Variants in RPA2 observed in about 807,000 individuals in gnomAD.
RPA2 encodes the protein replication protein A2, also known as replication protein A 32 kDa subunit.
In RPA2, 22 loss-of-function variants were observed where a neutral mutation model predicts 33.4. The observed-to-expected ratio is 0.66, with a 90% confidence interval of 0.47 to 0.94. The LOEUF (loss-of-function observed/expected upper bound fraction) is 0.94. Among genes scored for constraint, RPA2 ranks in the 40% least tolerant of loss-of-function variants. The probability of loss-of-function intolerance (pLI) is 0.00; values close to 1 mark genes in which losing one functional copy is unlikely to be tolerated. For missense variants in RPA2, 279 were observed against 329.9 expected, an observed-to-expected ratio of 0.85 and a Z score of 1.19; for synonymous variants, 109 against 114.9, an observed-to-expected ratio of 0.95 and a Z score of 0.33.
At chr1:27,912,371 C>A (rs1388223305) in intron 2 of RPA2, among the ~76,000 whole-genome samples, 2 of 151,000 alleles carry the variant, frequency 1.3e-5, no homozygotes, top group Non-Finnish European at 3.0e-5. Flanking sequence ...TGGCCAAATG[C>A]CACCTCTAAA....
At chr1:27,900,032 C>T (rs561432276) in intron 4 of RPA2, among the ~76,000 whole-genome samples, 1 of 151,916 alleles carries the variant, frequency 6.6e-6, no homozygotes, top group East Asian at 1.9e-4. Context: ...TAGTCTTGAA[C>T]TCCTGACTTC....
At chr1:27,906,266 C>G (rs1449483074) in intron 4 of RPA2, among the ~76,000 whole-genome samples, 2 of 151,606 alleles carry the variant, frequency 1.3e-5, no homozygotes, top group Non-Finnish European at 2.9e-5. Flanking sequence ...ACTTGGGAGG[C>G]TGAGGCAGGA....
At chr1:27,899,750 A>G (rs910207422) in intron 4 of RPA2, among the ~76,000 whole-genome samples, 3 of 151,774 alleles carry the variant, frequency 2.0e-5, no homozygotes, top group East Asian at 2.0e-4. Flanking sequence ...GTGGGATCTC[A>G]GCTCACTGCA....
intron 8 of RPA2, 66 bp downstream of exon 8, chr1:27,893,946 G>C: frequency 7.3e-7 from 1 of 1,378,776 alleles, no homozygotes; most frequent in Non-Finnish European, 1.0e-6. Context: ...CTCACTATCA[G>C]GAAACCCTTG....
chr1:27,906,856 A>AAT, intron 4 of RPA2, 72 bp downstream of exon 4: 1 of 1,018,728 alleles, frequency 9.8e-7, no homozygotes, highest in South Asian at 1.6e-5. Flanking sequence ...AAAAACTTTA[A>AAT]AAAGACTAAA....
chr1:27,894,593 AC>A (rs1327396025), intron 6 of RPA2, among the ~76,000 whole-genome samples, 196 bp from the exon 7 acceptor site: 1 of 152,250 alleles, frequency 6.6e-6, no homozygotes, highest in Non-Finnish European at 1.5e-5. Flanking sequence ...TCCCCGAAGC[AC>A]ATAAATATCA....
intron 4 of RPA2, among the ~76,000 whole-genome samples, chr1:27,903,501 C>G (rs1469775532): frequency 6.6e-6 from 1 of 151,620 alleles, no homozygotes; most frequent in African/African-American, 2.4e-5. Context: ...GCAGGATCAC[C>G]TGAGGTCAAA....
intron 1 of RPA2, 28 bp downstream of exon 1, chr1:27,914,403 TTCC>T: frequency 1.2e-6 from 2 of 1,612,798 alleles, no homozygotes; most frequent in Middle Eastern, 1.7e-4. Flanking sequence ...TGCGATTCTC[TTCC>T]TCCTCCACCC....
In RPA2 at chr1:27,897,080, C is replaced by A. The variant is rs1381582098; in HGVS notation, c.450G>T (p.Glu150Asp). Residue 150 changes from glutamate to aspartate, a missense_variant, in exon 6 of 9, where the codon GAG (glutamate) becomes GAT (aspartate). Glu to Asp is a conservative substitution (Grantham distance 45). This residue lies in a region of RPA2 where 274 missense variants were observed against 310.3 expected (regional missense o/e 0.88). Transcript: ENST00000373912. Reference sequence around the variant, plus strand: ...TATGTGTGGTGAACTCATTCATATCCTCCAGGGGCATGATCTTAAAGGCTA... The same window carrying A: ...TATGTGTGGTGAACTCATTCATATCATCCAGGGGCATGATCTTAAAGGCTA... ...SLVAFKIMPLEDMNEFTTHIL... is the reference protein window; with the variant it reads ...SLVAFKIMPLDDMNEFTTHIL... The A allele has an allele frequency of 3.7e-6, 6 of 1,613,970 alleles. No individual in the cohort carries two copies. The highest frequency in any genetic ancestry group is 1.7e-4 in the Middle Eastern group (1 of 6,040).
At position 27,892,119 on chromosome 1, in the gene RPA2, C is replaced by G. The variant is rs2089831225; in HGVS notation, c.*44G>C. ...GAGCTGGAGACAACAGATTGTGAAA[C>G]TAGGTCCAGCTGTAAAATATCTCAG... On this transcript the variant is annotated 3_prime_UTR_variant, in exon 9 of 9. Transcript: ENST00000373912. The G allele has an allele frequency of 6.6e-7, 1 of 1,515,890 alleles. No individual in the cohort carries two copies. The highest frequency in any genetic ancestry group is 2.3e-5 in the East Asian group (1 of 44,168). The allele number at this position is 1,515,890 out of a possible 1,614,324, so 93.9% of individuals were successfully genotyped here. A position where few individuals can be genotyped will look rare whatever the true frequency, so the allele number is the denominator to read the frequency against.
chr1:27,914,400 C>G (rs754097085), intron 1 of RPA2, 34 bp downstream of exon 1: 2 of 1,612,950 alleles, frequency 1.2e-6, no homozygotes, highest in Non-Finnish European at 1.7e-6. Context: ...TCCTGCGATT[C>G]TCTTCCTCCT....
At chr1:27,892,694 C>T (rs2089839798) in intron 8 of RPA2, among the ~76,000 whole-genome samples, 1 of 152,198 alleles carries the variant, frequency 6.6e-6, no homozygotes, top group Non-Finnish European at 1.5e-5. Flanking sequence ...ACTCTGAAAC[C>T]TTCAAACCCT....
chr1:27,912,689 C>G (rs2090114232), intron 2 of RPA2, among the ~76,000 whole-genome samples: 1 of 152,194 alleles, frequency 6.6e-6, no homozygotes. Context: ...TGAGAAAAAC[C>G]AAGGGCCACA....
intron 2 of RPA2, among the ~76,000 whole-genome samples, chr1:27,910,902 T>C (rs1026933850): frequency 1.3e-5 from 2 of 152,042 alleles, no homozygotes; most frequent in Non-Finnish European, 2.9e-5. Context: ...AACTTTTAAC[T>C]GTGGAAAATA....
intron 6 of RPA2, 36 bp downstream of exon 6, chr1:27,896,969 G>A: frequency 6.8e-7 from 1 of 1,479,286 alleles, no homozygotes. Context: ...TGTTCTTCCA[G>A]GGAAGAGAAA....
chr1:27,894,933 A>G (rs901581193), intron 6 of RPA2, among the ~76,000 whole-genome samples: 2 of 152,108 alleles, frequency 1.3e-5, no homozygotes, highest in South Asian at 2.1e-4. Context: ...AACTGTTTTC[A>G]CCAAAGTCAC....
chr1:27,913,160 C>T (rs1410710650), intron 2 of RPA2, among the ~76,000 whole-genome samples: 2 of 151,450 alleles, frequency 1.3e-5, no homozygotes, highest in African/African-American at 4.8e-5. Flanking sequence ...ACCATGTTGG[C>T]CAGGCTGGTC....
At chr1:27,896,340 A>AT (rs1435904091) in intron 6 of RPA2, among the ~76,000 whole-genome samples, 5 of 151,596 alleles carry the variant, frequency 3.3e-5, no homozygotes, top group African/African-American at 1.2e-4. Context: ...TAATTCTTTA[A>AT]TTTTTTTTGT....
intron 4 of RPA2, among the ~76,000 whole-genome samples, chr1:27,905,054 A>T (rs989259931): frequency 2.0e-5 from 3 of 152,222 alleles, no homozygotes; most frequent in Admixed American, 2.0e-4. Context: ...TAAAAGGATA[A>T]AAAGTATATA....
Sources: gnomAD v4.1 joint callset for allele counts (sites outside exome capture counted in the v4.1 genomes callset) on GRCh38, gnomAD v4.1.1 for gene constraint, gnomAD v4.1.1 regional missense constraint, MANE v1.5 for transcripts, NCBI Gene and HGNC (gene_info 2026-07-23, HGNC 2026-07-21) for gene names.